The following MALT1 variants were observed in gnomAD, a reference collection of about 807,000 sequenced individuals.
MALT1 encodes MALT1 paracaspase.
A neutral mutation model predicts 85.5 loss-of-function variants in MALT1; 36 were observed. The ratio of observed to expected loss-of-function variants is 0.42; its 90% CI spans 0.32 to 0.56. The LOEUF (loss-of-function observed/expected upper bound fraction) is 0.56, where lower values mean the gene tolerates loss of function less well. Among genes scored for constraint, MALT1 ranks in the 20% least tolerant of loss-of-function variants. The pLI is 0.10. For missense variants in MALT1, 716 were observed against 981.6 expected, an observed-to-expected ratio of 0.73 and a Z score of 3.62; for synonymous variants, 359 against 361.3, an observed-to-expected ratio of 0.99 and a Z score of 0.07.
At chr18:58,696,099 T>A (rs1422019322) in intron 2 of MALT1, among the ~76,000 whole-genome samples, 1 of 152,118 alleles carries the variant, frequency 6.6e-6, no homozygotes, top group Admixed American at 6.5e-5. Context: ...ATTGAAGAAA[T>A]ATGGTAAATA....
At chr18:58,682,174 A>C (rs908551108) in intron 2 of MALT1, among the ~76,000 whole-genome samples, 4 of 152,216 alleles carry the variant, frequency 2.6e-5, no homozygotes, top group Non-Finnish European at 5.9e-5. Context: ...ATTTCAATAT[A>C]TAACCAGCTT....
chr18:58,734,169 AGATG>A, intron 11 of MALT1, 134 bp from the exon 12 acceptor site: 1 of 1,115,532 alleles, frequency 9.0e-7, no homozygotes, highest in Non-Finnish European at 1.2e-6. Context: ...GTAGCTACCT[AGATG>A]AAAAATTTTG....
rs1256683121 is a variant in MALT1, at chr18:58,671,941, C to T, written c.209+89C>T. On this transcript the variant is annotated intron_variant, in intron 1 of 16. Transcript: ENST00000649217. ...TGGGGGCGCTGTCGGTGGGGCTGAG[C>T]GCGGCGGGGGCCGCCGGCGTGAGTG... 4 of 947,282 alleles carry T rather than the reference C, an allele frequency of 4.2e-6. No individual in the cohort carries two copies. The African/African-American group carries it at 6.9e-5, about 16-fold the overall frequency. The allele number at this position is 947,282 out of a possible 1,614,324, so 58.7% of individuals were successfully genotyped here.
intron 2 of MALT1, among the ~76,000 whole-genome samples, chr18:58,685,156 T>C (rs2054382990): frequency 6.6e-6 from 1 of 152,172 alleles, no homozygotes; most frequent in South Asian, 2.1e-4. Flanking sequence ...ATAGAAATAT[T>C]CTAATGTTTT....
At chr18:58,725,588 A>G (rs1232098565) in intron 10 of MALT1, among the ~76,000 whole-genome samples, 2 of 152,228 alleles carry the variant, frequency 1.3e-5, no homozygotes, top group Non-Finnish European at 2.9e-5. Flanking sequence ...AAGGCTTCCA[A>G]AACTTCACTA....
At position 58,747,760 on chromosome 18, in the gene MALT1, TTAG is replaced by T. The variant is rs1479681715; in HGVS notation, c.2397_2399del (p.Ser799del). 1.9e-6 allele frequency: 3 copies of T among 1,614,038 alleles called. No homozygotes were observed. Among genetic ancestry groups the T allele is most frequent in the Admixed American group, 3.3e-5 (2 of 59,988 alleles). ...TTCGCTCACCATGCTTCATGTCATT[TTAG>T]TAGAAGTAATGTGCCAGTAGAGACA... On this transcript the variant is annotated inframe_deletion, in exon 17 of 17. Coordinates refer to ENST00000649217, the MANE Select transcript of MALT1 (RefSeq NM_006785.4).
intron 4 of MALT1, among the ~76,000 whole-genome samples, chr18:58,701,980 C>T (rs1015246889): frequency 2.0e-5 from 3 of 152,130 alleles, no homozygotes; most frequent in African/African-American, 7.2e-5. Flanking sequence ...CCATCAAAAA[C>T]ATTTAATATT....
At chr18:58,684,439 C>CTT (rs548214354) in intron 2 of MALT1, among the ~76,000 whole-genome samples, 16 of 73,546 alleles carry the variant, frequency 2.2e-4, no homozygotes, top group Non-Finnish European at 3.5e-4. Flanking sequence ...AAGATTTACT[C>CTT]TTTTTTTTTT....
At chr18:58,691,026 C>T (rs1602288191) in intron 2 of MALT1, 2 of 285,368 alleles carry the variant, frequency 7.0e-6, no homozygotes, top group Non-Finnish European at 1.4e-5. Flanking sequence ...CAAAACTCCA[C>T]GTTATCCACC....
chr18:58,684,439 C>CTTTT (rs548214354), intron 2 of MALT1, among the ~76,000 whole-genome samples: 10 of 73,542 alleles, frequency 1.4e-4, no homozygotes, highest in South Asian at 6.1e-4. Flanking sequence ...AAGATTTACT[C>CTTTT]TTTTTTTTTT....
At chr18:58,716,414 A>G (rs2054901106) in intron 9 of MALT1, among the ~76,000 whole-genome samples, 1 of 152,262 alleles carries the variant, frequency 6.6e-6, no homozygotes, top group Non-Finnish European at 1.5e-5. Flanking sequence ...TGCCTGGGAC[A>G]AGAAAATGTA....
intron 9 of MALT1, among the ~76,000 whole-genome samples, chr18:58,721,224 A>G (rs184530391): frequency 1.1e-3 from 167 of 152,240 alleles, no homozygotes; most frequent in African/African-American, 3.8e-3. Context: ...TACTAAAAAT[A>G]CAAAATTAGC....
chr18:58,741,731 C>G, intron 13 of MALT1, 134 bp from the exon 14 acceptor site: 1 of 498,632 alleles, frequency 2.0e-6, no homozygotes, highest in Non-Finnish European at 3.4e-6. Context: ...ATAATAGGTG[C>G]TCAGGAAATA....
intron 9 of MALT1, among the ~76,000 whole-genome samples, chr18:58,720,094 A>G (rs1370679031): frequency 2.6e-5 from 4 of 152,148 alleles, no homozygotes; most frequent in Non-Finnish European, 5.9e-5. Flanking sequence ...AAGTGGCTTC[A>G]TTATTCTTTT....
chr18:58,682,021 ACCT>A (rs1038520016), intron 2 of MALT1, among the ~76,000 whole-genome samples: 2 of 151,850 alleles, frequency 1.3e-5, no homozygotes, highest in African/African-American at 4.8e-5. Flanking sequence ...AGCACTGCAG[ACCT>A]CCTTCTTTAC....
At chr18:58,700,398 G>A (rs2054654612) in intron 3 of MALT1, 43 bp from the exon 4 acceptor site, 1 of 1,486,028 alleles carries the variant, frequency 6.7e-7, no homozygotes, top group Non-Finnish European at 9.0e-7. Context: ...TATAAGGTGT[G>A]TTTTTGATGA....
chr18:58,703,990 G>C (rs148056243), intron 4 of MALT1, among the ~76,000 whole-genome samples: 3 of 152,224 alleles, frequency 2.0e-5, no homozygotes, highest in Non-Finnish European at 4.4e-5. Context: ...ATTTACTCAT[G>C]TTGTTCAGTG....
chr18:58,696,025 A>G (rs1041166766), intron 2 of MALT1, among the ~76,000 whole-genome samples: 2 of 152,252 alleles, frequency 1.3e-5, no homozygotes, highest in Non-Finnish European at 2.9e-5. Flanking sequence ...CCTGACAGGC[A>G]TCTGTTATAA....
At chr18:58,701,236 A>G (rs1228010854) in intron 4 of MALT1, among the ~76,000 whole-genome samples, 1 of 152,040 alleles carries the variant, frequency 6.6e-6, no homozygotes, top group Admixed American at 6.5e-5. Flanking sequence ...GCCTTCCTTC[A>G]TGTTCCATTA....
Sources: allele counts gnomAD v4.1 joint callset (sites outside exome capture counted in the v4.1 genomes callset), GRCh38; gene constraint gnomAD v4.1.1; transcripts MANE v1.5; gene names NCBI Gene and HGNC (gene_info 2026-07-23, HGNC 2026-07-21).